The following GRM7 variants were observed in gnomAD, a reference collection of about 807,000 sequenced individuals.
GRM7 encodes the protein glutamate metabotropic receptor 7, also known as metabotropic glutamate receptor 7.
Under a neutral mutation model 84.5 loss-of-function variants are expected in GRM7, and 35 were observed. That is an observed-to-expected ratio of 0.41 (90% CI 0.32 to 0.55). The LOEUF (loss-of-function observed/expected upper bound fraction) is 0.55. Among genes scored for constraint, GRM7 ranks in the 20% least tolerant of loss-of-function variants. GRM7 has a pLI of 0.19. For missense variants in GRM7, 1,003 were observed against 1,194.6 expected, an observed-to-expected ratio of 0.84 and a Z score of 2.36; for synonymous variants, 487 against 455.1, an observed-to-expected ratio of 1.07 and a Z score of -0.89.
chr3:7,591,462 G>C (rs1255283370), intron 8 of GRM7: 1 of 446,696 alleles, frequency 2.2e-6, no homozygotes, highest in Non-Finnish European at 4.5e-6. Context: ...AAGAAGGGTA[G>C]TTTTATGCTG....
At chr3:7,146,770 T>C in intron 2 of GRM7, 102 bp downstream of exon 2, 1 of 766,142 alleles carries the variant, frequency 1.3e-6, no homozygotes, top group South Asian at 1.6e-5. Context: ...ACTCTTACAT[T>C]CCCAGAGTCC....
Position 7,499,781 on chromosome 3 carries a change from T to TC in GRM7, c.1515+38059_1515+38060insC, listed in dbSNP as rs1699824518. 2.0e-5 allele frequency among the ~76,000 whole-genome samples: 3 copies of TC among 151,272 alleles called. No homozygotes were observed. The South Asian group carries it at 6.2e-4, about 31-fold the overall frequency. On this transcript the variant is annotated intron_variant, in intron 7 of 9. Transcript: ENST00000357716. ...TAGAGTTGGCCTAGACACCATTCTT[T>TC]TTTTTTTTTTTGAGATGGAGTCTTG...
chr3:7,184,853 T>G (rs561607727), intron 2 of GRM7, among the ~76,000 whole-genome samples: 2 of 152,338 alleles, frequency 1.3e-5, no homozygotes, highest in Admixed American at 1.3e-4. Context: ...CTCTCGTGTT[T>G]ATAATGATTG....
chr3:7,195,646 T>G (rs1035774677), intron 2 of GRM7, among the ~76,000 whole-genome samples: 2 of 152,076 alleles, frequency 1.3e-5, no homozygotes, highest in African/African-American at 4.8e-5. Flanking sequence ...GTAGAACTTT[T>G]GAGATTGAAA....
intron 7 of GRM7, among the ~76,000 whole-genome samples, chr3:7,560,716 T>A (rs1374889459): frequency 6.6e-6 from 1 of 152,186 alleles, no homozygotes; most frequent in Admixed American, 6.5e-5. Flanking sequence ...TTACTTCCCA[T>A]GCTCATGTTT....
chr3:7,154,133 C>A (rs1293830492), intron 2 of GRM7, among the ~76,000 whole-genome samples: 1 of 152,166 alleles, frequency 6.6e-6, no homozygotes, highest in Non-Finnish European at 1.5e-5. Flanking sequence ...AAATTGTCTT[C>A]CAAGCAATGT....
chr3:7,682,253 T>C (rs1700400331), intron 9 of GRM7: 1 of 147,846 alleles, frequency 6.8e-6, no homozygotes, highest in Admixed American at 7.0e-5. Context: ...GAGAATCGCT[T>C]GAACCCAGGA....
intron 2 of GRM7, among the ~76,000 whole-genome samples, chr3:7,210,072 G>A (rs1042119513): frequency 6.6e-6 from 1 of 152,112 alleles, no homozygotes; most frequent in African/African-American, 2.4e-5. Context: ...GTCTATCTAG[G>A]AGACTCATCT....
intron 1 of GRM7, among the ~76,000 whole-genome samples, chr3:7,021,626 T>C (rs1695779539): frequency 6.6e-6 from 1 of 152,236 alleles, no homozygotes; most frequent in Admixed American, 6.5e-5. Flanking sequence ...GAGCAAACCT[T>C]GCCTTAAACA....
In GRM7 at chr3:7,665,168, C is replaced by CTT. The variant is rs34966790; in HGVS notation, c.2452-14861_2452-14860dup. On this transcript the variant is annotated intron_variant, in intron 8 of 9. Coordinates refer to ENST00000357716, the MANE Select transcript of GRM7 (RefSeq NM_000844.4). ...ATACGGAGAATGTTTGCCCATGATT[C>CTT]TTTTTTTTTTTTTTTTTTTTTGAGA... Among the ~76,000 whole-genome samples the CTT allele has an allele frequency of 3.4e-3, 346 of 102,496 alleles. 8 individuals are homozygous for CTT. Among genetic ancestry groups the CTT allele is most frequent in the Middle Eastern group, 0.026 (5 of 192 alleles). 67.2% of individuals were successfully genotyped at this position (102,496 alleles called of 152,430 possible).
intron 8 of GRM7, among the ~76,000 whole-genome samples, chr3:7,664,105 T>C (rs898351974): frequency 2.0e-5 from 3 of 152,172 alleles, no homozygotes; most frequent in Non-Finnish European, 4.4e-5. Flanking sequence ...CTTTCCAGAA[T>C]CTACAAGGGT....
In GRM7 at chr3:7,486,399, G is replaced by A. The variant is rs1699323250; in HGVS notation, c.1515+24677G>A. Among the ~76,000 whole-genome samples the A allele has an allele frequency of 6.6e-6, 1 of 152,114 alleles. No individual in the cohort carries two copies. Among genetic ancestry groups the A allele is most frequent in the South Asian group, 2.1e-4 (1 of 4,818 alleles). On this transcript the variant is annotated intron_variant, in intron 7 of 9. Coordinates refer to ENST00000357716, the MANE Select transcript of GRM7 (RefSeq NM_000844.4). This position sits in a 1 kb window ranked among gnomAD's most constrained non-coding sequence, Gnocchi z 5.5. ...ACTGAGGACAAGTTTTGCTGTTGAG[G>A]CTTGGTCTCCAATGTGGCAGTGTTG...
At chr3:7,698,935 T>C (rs1183331739) in intron 9 of GRM7, among the ~76,000 whole-genome samples, 1 of 152,156 alleles carries the variant, frequency 6.6e-6, no homozygotes, top group African/African-American at 2.4e-5. Context: ...AATTGAGGTT[T>C]TACAACCAAG....
chr3:7,340,938 C>G (rs1701613967), intron 4 of GRM7, among the ~76,000 whole-genome samples: 1 of 152,050 alleles, frequency 6.6e-6, no homozygotes, highest in South Asian at 2.1e-4. Flanking sequence ...TATTGCTTCC[C>G]CTGCTTGTAC....
At chr3:6,946,070 C>T (rs1698067889) in intron 1 of GRM7, among the ~76,000 whole-genome samples, 1 of 152,122 alleles carries the variant, frequency 6.6e-6, no homozygotes, top group Non-Finnish European at 1.5e-5. Context: ...TTAATTAGAT[C>T]CCATTTGTCA....
intron 2 of GRM7, among the ~76,000 whole-genome samples, chr3:7,179,302 A>C (rs1488013843): frequency 6.6e-6 from 1 of 152,172 alleles, no homozygotes; most frequent in Non-Finnish European, 1.5e-5. Context: ...TAAAATATTT[A>C]ATTGTCCCCC....
chr3:7,379,388 C>T (rs777956917), intron 4 of GRM7, among the ~76,000 whole-genome samples: 1 of 152,086 alleles, frequency 6.6e-6, no homozygotes, highest in African/African-American at 2.4e-5. Flanking sequence ...CCACCATGCC[C>T]AGACTCTTCT....
chr3:7,368,903 G>C (rs1368846190), intron 4 of GRM7, among the ~76,000 whole-genome samples: 1 of 180 alleles, frequency 5.6e-3, no homozygotes, highest in Non-Finnish European at 0.013. Flanking sequence ...ATGAGTGATG[G>C]TTAAAATCAG....
intron 8 of GRM7, among the ~76,000 whole-genome samples, chr3:7,635,752 CA>C: frequency 6.6e-6 from 1 of 152,250 alleles, no homozygotes; most frequent in Admixed American, 6.5e-5. Context: ...TAGTTCACTG[CA>C]ACCTCAAACC....
Sources: gnomAD v4.1 joint callset for allele counts (sites outside exome capture counted in the v4.1 genomes callset) on GRCh38, gnomAD v4.1.1 for gene constraint, Gnocchi (gnomAD v3.1) non-coding constraint, MANE v1.5 for transcripts, NCBI Gene and HGNC (gene_info 2026-07-23, HGNC 2026-07-21) for gene names.